IGSF21: variants seen among roughly 807,000 people sequenced by gnomAD.
IGSF21 encodes the protein immunoglobin superfamily member 21, also known as immunoglobulin superfamily member 21.
IGSF21 carries 28 observed loss-of-function variants against 46.8 expected under a neutral mutation model. The ratio of observed to expected loss-of-function variants is 0.60; its 90% confidence interval spans 0.44 to 0.82. IGSF21 has a LOEUF of 0.82. IGSF21 is among the 40% of genes least tolerant of loss of function. The pLI is 0.00. For synonymous variants in IGSF21, 284 were observed against 273.6 expected (o/e 1.04, Z -0.38); for missense variants, 624 against 665.5 (o/e 0.94, Z 0.69).
chr1:18,130,150 A>C (rs1206805913), intron 1 of IGSF21, among the ~76,000 whole-genome samples: 1 of 152,126 alleles, frequency 6.6e-6, no homozygotes, highest in Admixed American at 6.5e-5. Context: ...CTTCTGCTCT[A>C]AGCACTGGAC....
chr1:18,216,159 T>C (rs1371435481), intron 1 of IGSF21, among the ~76,000 whole-genome samples: 1 of 152,112 alleles, frequency 6.6e-6, no homozygotes. Flanking sequence ...GACCATCACA[T>C]TGAACCTGGA....
chr1:18,319,665 A>T (rs1420627975), intron 3 of IGSF21, among the ~76,000 whole-genome samples: 1 of 152,206 alleles, frequency 6.6e-6, no homozygotes, highest in Non-Finnish European at 1.5e-5. Context: ...TACTTAATAT[A>T]AGCTCAGCGA....
chr1:18,233,602 T>C (rs1336947097), intron 2 of IGSF21, among the ~76,000 whole-genome samples: 1 of 152,186 alleles, frequency 6.6e-6, no homozygotes, highest in Non-Finnish European at 1.5e-5. Flanking sequence ...TTCAGCTCAT[T>C]GTGGCACCTA....
chr1:18,213,499 G>C (rs2084412752), intron 1 of IGSF21, among the ~76,000 whole-genome samples: 1 of 152,170 alleles, frequency 6.6e-6, no homozygotes, highest in Non-Finnish European at 1.5e-5. Flanking sequence ...TGAATGGAGA[G>C]AGAGGGTGTG....
intron 5 of IGSF21, among the ~76,000 whole-genome samples, chr1:18,363,641 G>A (rs559989565): frequency 4.7e-5 from 7 of 150,390 alleles, no homozygotes; most frequent in East Asian, 4.0e-4. Flanking sequence ...GGACAGAGGT[G>A]CAGAGGCACA....
intron 2 of IGSF21, among the ~76,000 whole-genome samples, chr1:18,247,131 A>G (rs2084792943): frequency 7.0e-6 from 1 of 143,078 alleles, no homozygotes; most frequent in African/African-American, 2.7e-5. Flanking sequence ...GCACAGCTGG[A>G]CTTTGAACCC....
At chr1:18,357,604 A>T (rs1185147221) in intron 4 of IGSF21, among the ~76,000 whole-genome samples, 1 of 152,110 alleles carries the variant, frequency 6.6e-6, no homozygotes, top group African/African-American at 2.4e-5. Flanking sequence ...ACTGGCTTTT[A>T]TTGGGCTATG....
chr1:18,243,228 C>A (rs1278212385), intron 2 of IGSF21, among the ~76,000 whole-genome samples: 1 of 152,168 alleles, frequency 6.6e-6, no homozygotes, highest in Admixed American at 6.5e-5. Flanking sequence ...TCAGACTTAA[C>A]ATGGCCAAAG....
chr1:18,200,269 A>G (rs1355920714), intron 1 of IGSF21, among the ~76,000 whole-genome samples: 1 of 152,222 alleles, frequency 6.6e-6, no homozygotes, highest in Non-Finnish European at 1.5e-5. Flanking sequence ...GAAATTATCT[A>G]GGGAAATGCC....
At position 18,335,954 on chromosome 1, in the gene IGSF21, C is replaced by T. The variant is rs920718119; in HGVS notation, c.424+944C>T. On this transcript the variant is annotated intron_variant, in intron 4 of 9. Transcript: ENST00000251296. This position sits in a 1 kb window ranked among gnomAD's most constrained non-coding sequence, Gnocchi z 4.8. ...CTCTCTCGCAGTTACTCATGCACCA[C>T]TCAGCTCCTCTGATAAAGGAACTAG... Among the ~76,000 whole-genome samples the T allele has an allele frequency of 6.6e-6, 1 of 152,186 alleles. No individual in the cohort carries two copies. The highest frequency in any genetic ancestry group is 1.5e-5 in the Non-Finnish European group (1 of 68,038).
At chr1:18,148,080 A>T (rs2086486723) in intron 1 of IGSF21, among the ~76,000 whole-genome samples, 1 of 150,026 alleles carries the variant, frequency 6.7e-6, no homozygotes, top group Admixed American at 6.6e-5. Context: ...TGGAACTGTG[A>T]GTCCATTAAA....
At chr1:18,338,994 C>A (rs904593860) in intron 4 of IGSF21, among the ~76,000 whole-genome samples, 4 of 152,204 alleles carry the variant, frequency 2.6e-5, no homozygotes, top group Admixed American at 2.6e-4. Context: ...TTAAAAGACT[C>A]TGCACTTCTG....
chr1:18,150,022 G>A (rs1170480142), intron 1 of IGSF21, among the ~76,000 whole-genome samples: 1 of 152,174 alleles, frequency 6.6e-6, no homozygotes, highest in African/African-American at 2.4e-5. Context: ...GGGAGGCCGA[G>A]GCAGGAGGAT....
At chr1:18,289,560 G>A (rs769560715) in intron 2 of IGSF21, among the ~76,000 whole-genome samples, 1 of 152,092 alleles carries the variant, frequency 6.6e-6, no homozygotes, top group Non-Finnish European at 1.5e-5. Flanking sequence ...TTGTCTATTC[G>A]GCTCTGTTCC....
intron 3 of IGSF21, among the ~76,000 whole-genome samples, chr1:18,325,038 G>A (rs141712474): frequency 1.3e-5 from 2 of 152,174 alleles, no homozygotes; most frequent in African/African-American, 4.8e-5. Context: ...CCACTTTCTG[G>A]GCTGAGCTCG....
At chr1:18,173,042 A>C (rs891655330) in intron 1 of IGSF21, among the ~76,000 whole-genome samples, 8 of 152,234 alleles carry the variant, frequency 5.3e-5, no homozygotes, top group Admixed American at 6.5e-5. Flanking sequence ...TAATCCTAGC[A>C]CTTTGGGAGG....
At chr1:18,308,755 G>A (rs756375162) in intron 3 of IGSF21, among the ~76,000 whole-genome samples, 1 of 152,188 alleles carries the variant, frequency 6.6e-6, no homozygotes, top group Non-Finnish European at 1.5e-5. Flanking sequence ...TGACCTGAGT[G>A]TGGTGGGAAG....
At chr1:18,341,082 C>T (rs28666593) in intron 4 of IGSF21, among the ~76,000 whole-genome samples, 23,472 of 88,390 alleles carry the variant, frequency 0.27, 2,534 homozygotes, top group Middle Eastern at 0.29. Flanking sequence ...TTCTTCTCCT[C>T]CTCCTCCTCC....
At chr1:18,226,615 C>G (rs1446228582) in intron 1 of IGSF21, among the ~76,000 whole-genome samples, 1 of 152,206 alleles carries the variant, frequency 6.6e-6, no homozygotes, top group Admixed American at 6.5e-5. Context: ...CAGGTCCGCT[C>G]TGACTCCAAC....
Sources: allele counts gnomAD v4.1 joint callset (sites outside exome capture counted in the v4.1 genomes callset), GRCh38; gene constraint gnomAD v4.1.1; non-coding constraint Gnocchi (gnomAD v3.1); transcripts MANE v1.5; gene names NCBI Gene and HGNC (gene_info 2026-07-23, HGNC 2026-07-21).